AACS: variants seen among roughly 807,000 people sequenced by gnomAD.
AACS encodes acetoacetyl-CoA synthetase, also known as acetoacetate-CoA ligase.
Under a neutral mutation model 83.1 loss-of-function variants are expected in AACS, and 69 were observed. The observed-to-expected ratio is 0.83, with a 90% CI of 0.68 to 1.01. AACS has a LOEUF of 1.01. Among genes scored for constraint, AACS ranks in the 50% least tolerant of loss-of-function variants. AACS has a pLI of 0.00. For synonymous variants in AACS, 333 were observed against 343.4 expected, an observed-to-expected ratio of 0.97 and a Z score of 0.33; for missense variants, 866 against 882.2, an observed-to-expected ratio of 0.98 and a Z score of 0.23.
At chr12:125,128,505 A>T in intron 13 of AACS, 1 of 381,556 alleles carries the variant, frequency 2.6e-6, no homozygotes, top group Non-Finnish European at 4.7e-6. Context: ...AGGTGGAGAG[A>T]TGTGTGCTCG....
intron 3 of AACS, chr12:125,078,475 T>G (rs190333414): frequency 4.0e-4 from 150 of 378,348 alleles, no homozygotes; most frequent in African/African-American, 2.9e-3. Context: ...TCCCGTGCCC[T>G]TTGCATGCCC....
At chr12:125,095,507 C>T (rs1262703253) in intron 5 of AACS, among the ~76,000 whole-genome samples, 1 of 152,180 alleles carries the variant, frequency 6.6e-6, no homozygotes. Context: ...TGCCGCCCTC[C>T]GGGGCTCTCC....
intron 3 of AACS, among the ~76,000 whole-genome samples, chr12:125,085,304 C>T (rs903597504): frequency 8.5e-5 from 13 of 152,238 alleles, no homozygotes; most frequent in African/African-American, 2.9e-4. Context: ...GTTGCATCCA[C>T]GTCTGTTTCC....
At position 125,065,439 on chromosome 12, in the gene AACS, C is replaced by G. The variant is rs183894885; in HGVS notation, c.-146C>G. The G allele has an allele frequency of 1.6e-5, 14 of 876,162 alleles. No homozygotes were observed. Among genetic ancestry groups the G allele is most frequent in the East Asian group, 3.5e-5 (1 of 28,850 alleles). The allele number at this position is 876,162 out of a possible 1,614,324, so 54.3% of individuals were successfully genotyped here. A position where few individuals can be genotyped will look rare whatever the true frequency, so the allele number is the denominator to read the frequency against. ...AGGAGGCGGCGGCGGCCGTTCAGTC[C>G]CTTGTTCCCCGCCGCCGCCGTCGCT... On this transcript the variant is annotated 5_prime_UTR_variant, in exon 1 of 18. Coordinates refer to ENST00000316519, the MANE Select transcript of AACS (RefSeq NM_023928.5).
Position 125,142,311 on chromosome 12 carries a change from C to T in AACS, c.*82C>T, listed in dbSNP as rs552619176. The T allele has an allele frequency of 7.3e-4, 1,140 of 1,557,416 alleles. 1 individual carries two copies. The highest frequency in any genetic ancestry group is 1.7e-3 in the Middle Eastern group (10 of 5,808). On this transcript the variant is annotated 3_prime_UTR_variant, in exon 18 of 18. Transcript: ENST00000316519. ...GCTCAAGAAATTATACAGAAACCTACAGCTGTTGTAAAAGGATGCTCGCAC... is the reference window on the plus strand; with the variant it reads ...GCTCAAGAAATTATACAGAAACCTATAGCTGTTGTAAAAGGATGCTCGCAC...
intron 4 of AACS, among the ~76,000 whole-genome samples, chr12:125,087,288 C>A (rs1440198075): frequency 6.6e-6 from 1 of 152,204 alleles, no homozygotes; most frequent in Non-Finnish European, 1.5e-5. Flanking sequence ...CACTCTGGGC[C>A]GGGGCTCTCC....
At chr12:125,106,978 AG>A (rs1956846439) in intron 7 of AACS, 142 bp from the exon 8 acceptor site, 1 of 1,167,808 alleles carries the variant, frequency 8.6e-7, no homozygotes, top group African/African-American at 1.5e-5. Flanking sequence ...GGTCCCAGGA[AG>A]TTTCCAAATC....
rs901946792 is a variant in AACS, at chr12:125,086,360, C to T, written c.389C>T (p.Thr130Ile). 3 of 1,614,106 alleles carry T rather than the reference C, an allele frequency of 1.9e-6. No homozygotes were observed. Among genetic ancestry groups the T allele is most frequent in the Admixed American group, 1.7e-5 (1 of 60,014 alleles). ...GGCAAAGAGGAAATTGTGAAGGTGA[C>T]TTTTGAAGAGCTGAGGCAAGAAGTG... The part of the protein sequence containing the change: ...REGKEEIVKV[T>I]FEELRQEVAL... Residue 130 changes from threonine to isoleucine, a missense_variant, in exon 4 of 18, where the codon ACT becomes ATT. By Grantham distance (89) the Thr-to-Ile change is moderately conservative. Transcript: ENST00000316519.
At chr12:125,091,087 A>G in intron 4 of AACS, 1 of 348,262 alleles carries the variant, frequency 2.9e-6, no homozygotes, top group Non-Finnish European at 5.6e-6. Flanking sequence ...TGTTCAGCAG[A>G]TCAGACAGCT....
Position 125,076,480 on chromosome 12 carries a change from A to G in AACS, c.238-11A>G. 6.2e-7 allele frequency: 1 copy of G among 1,613,198 alleles called. No individual in the cohort carries two copies. The highest frequency in any genetic ancestry group is 8.5e-7 in the Non-Finnish European group (1 of 1,179,328). On this transcript the variant is annotated splice_polypyrimidine_tract_variant and intron_variant, in intron 2 of 17. Coordinates refer to ENST00000316519, the MANE Select transcript of AACS (RefSeq NM_023928.5). ...TGTGTGTGCGTCTTGGTTTGTTGTC[A>G]TTCTCTATAGGTTGTGGACACATCG...
At chr12:125,125,111 C>A in intron 12 of AACS, 87 bp downstream of exon 12, 1 of 1,575,450 alleles carries the variant, frequency 6.3e-7, no homozygotes. Context: ...GGATTCATCC[C>A]AAGGACACAG....
rs756807786 is a variant in AACS, at chr12:125,136,655, T to A, written c.1679-7T>A. On this transcript the variant is annotated splice_region_variant and splice_polypyrimidine_tract_variant and intron_variant, in intron 16 of 17. Transcript: ENST00000316519. ...GCGTGAATGTGCACCCTCTCCTGTCTCCACAGTGGAATCCTTCGAGGAGGT... is the reference window on the plus strand; with the variant it reads ...GCGTGAATGTGCACCCTCTCCTGTCACCACAGTGGAATCCTTCGAGGAGGT... 1 of 1,612,954 alleles carries A rather than the reference T, an allele frequency of 6.2e-7. No individual in the cohort carries two copies. The highest frequency in any genetic ancestry group is 8.5e-7 in the Non-Finnish European group (1 of 1,179,806).
intron 1 of AACS, among the ~76,000 whole-genome samples, chr12:125,070,056 CA>C (rs1955818159): frequency 6.6e-6 from 1 of 152,194 alleles, no homozygotes; most frequent in Non-Finnish European, 1.5e-5. Flanking sequence ...CGGCCCATCC[CA>C]TGGAATGCAA....
chr12:125,067,537 T>C (rs915860134), intron 1 of AACS, among the ~76,000 whole-genome samples: 3 of 112,634 alleles, frequency 2.7e-5, no homozygotes, highest in Non-Finnish European at 5.9e-5. Flanking sequence ...AATCTGACTA[T>C]CTGGATTTTT....
rs1555224398 is a variant in AACS, at chr12:125,103,462, CAT to C, written c.767+384_767+385del. ...ACACGCATGCACACGACAAGGCACA[CAT>C]ATCTACACGTGTACACATGCATGTG... On this transcript the variant is annotated intron_variant, in intron 7 of 17. Coordinates refer to ENST00000316519, the MANE Select transcript of AACS (RefSeq NM_023928.5). 6.2e-4 allele frequency among the ~76,000 whole-genome samples: 93 copies of C among 151,196 alleles called. No homozygotes were observed. The South Asian group carries it at 7.7e-3, about 13-fold the overall frequency.
chr12:125,102,476 T>G, intron 5 of AACS: 1 of 519,172 alleles, frequency 1.9e-6, no homozygotes, highest in Non-Finnish European at 3.5e-6. Flanking sequence ...TTTGCCATTT[T>G]TTTTTTTAGA....
In AACS at chr12:125,142,263, C is replaced by T. The variant is rs376640563; in HGVS notation, c.*34C>T. 45 of 1,603,786 alleles carry T rather than the reference C, an allele frequency of 2.8e-5. No individual in the cohort carries two copies. The highest frequency in any genetic ancestry group is 1.3e-4 in the East Asian group (6 of 44,632). On this transcript the variant is annotated 3_prime_UTR_variant, in exon 18 of 18. Transcript: ENST00000316519. ...GGCTGGCGTGTCACTCAGCCGCACCCGTGTGCACTGTAACTTTTGTGTGCT... is the reference window on the plus strand; with the variant it reads ...GGCTGGCGTGTCACTCAGCCGCACCTGTGTGCACTGTAACTTTTGTGTGCT...
intron 8 of AACS, among the ~76,000 whole-genome samples, chr12:125,109,459 C>T (rs1188247265): frequency 6.6e-6 from 1 of 152,218 alleles, no homozygotes; most frequent in East Asian, 1.9e-4. Context: ...CTTTCGCCTT[C>T]TTTCTCTCTC....
chr12:125,065,828 T>C, intron 1 of AACS, 111 bp downstream of exon 1: 1 of 1,373,222 alleles, frequency 7.3e-7, no homozygotes, highest in Non-Finnish European at 9.5e-7. Flanking sequence ...GAGGAGCCAC[T>C]TGATGGCGGG....
Sources: gnomAD v4.1 joint callset for allele counts (sites outside exome capture counted in the v4.1 genomes callset) on GRCh38, gnomAD v4.1.1 for gene constraint, MANE v1.5 for transcripts, NCBI Gene and HGNC (gene_info 2026-07-23, HGNC 2026-07-21) for gene names.